Variants in CCDC186 observed in about 807,000 individuals in gnomAD.
CCDC186 encodes the protein coiled-coil domain containing 186, also known as coiled-coil domain-containing protein 186.
CCDC186 carries 49 observed loss-of-function variants against 113.7 expected under a neutral mutation model. The observed-to-expected ratio is 0.43, with a 90% CI of 0.34 to 0.55. The LOEUF is 0.55. CCDC186 is among the 20% of genes least tolerant of loss of function. The probability of loss-of-function intolerance (pLI) is 0.02; values close to 1 mark genes in which losing one functional copy is unlikely to be tolerated. For synonymous variants in CCDC186, 355 were observed against 345.8 expected (o/e 1.03, Z -0.30); for missense variants, 890 against 1,011.1 (o/e 0.88, Z 1.62).
chr10:114,156,703 G>C (rs571965487), intron 3 of CCDC186, among the ~76,000 whole-genome samples: 33 of 151,990 alleles, frequency 2.2e-4, no homozygotes, highest in Non-Finnish European at 2.9e-5. Context: ...TTCCACCCTG[G>C]GTGACAAGAG....
intron 6 of CCDC186, among the ~76,000 whole-genome samples, chr10:114,140,101 C>T (rs890710262): frequency 6.6e-6 from 1 of 152,186 alleles, no homozygotes; most frequent in Non-Finnish European, 1.5e-5. Flanking sequence ...CATAATCTCA[C>T]CTTCATGAAG....
chr10:114,151,321 A>G, intron 3 of CCDC186, 101 bp from the exon 4 acceptor site: 2 of 885,490 alleles, frequency 2.3e-6, no homozygotes, highest in Non-Finnish European at 3.3e-6. Context: ...TAAAGAATAC[A>G]ATGAATATAC....
chr10:114,125,092 G>T lies in CCDC186; in HGVS notation c.*51C>A. On this transcript the variant is annotated 3_prime_UTR_variant, in exon 16 of 16. Coordinates refer to ENST00000369287, the MANE Select transcript of CCDC186 (RefSeq NM_018017.4). ...AAAGTCTCCAACAATAGAGGTCAGT[G>T]GCACCTACTCCTGTGTGGCTTTTGT... 1 of 1,324,818 alleles carries T rather than the reference G, an allele frequency of 7.5e-7. No homozygotes were observed. The highest frequency in any genetic ancestry group is 1.1e-6 in the Non-Finnish European group (1 of 946,366). 82.1% of individuals were successfully genotyped at this position (1,324,818 alleles called of 1,614,324 possible).
intron 10 of CCDC186, among the ~76,000 whole-genome samples, chr10:114,133,209 A>G (rs2031148114): frequency 6.6e-6 from 1 of 152,216 alleles, no homozygotes; most frequent in Non-Finnish European, 1.5e-5. Flanking sequence ...CAGGGAAGTA[A>G]AAAGTGAATG....
intron 15 of CCDC186, 48 bp from the exon 16 acceptor site, chr10:114,125,274 A>G (rs2030859583): frequency 7.3e-7 from 1 of 1,368,370 alleles, no homozygotes; most frequent in African/African-American, 1.5e-5. Context: ...ACAAAAGTAT[A>G]ATAAATAAAA....
rs1325219264 is a variant in CCDC186 at position 114,123,698 on chromosome 10, G to C, written c.*1445C>G. 6.6e-6 allele frequency: 1 copy of C among 152,156 alleles called. No homozygotes were observed. Among genetic ancestry groups the C allele is most frequent in the Non-Finnish European group, 1.5e-5 (1 of 68,030 alleles). 9.4% of individuals were successfully genotyped at this position (152,156 alleles called of 1,614,324 possible). A position where few individuals can be genotyped will look rare whatever the true frequency, so the allele number is the denominator to read the frequency against. On this transcript the variant is annotated 3_prime_UTR_variant, in exon 16 of 16. Transcript: ENST00000369287. ...TTGTAAGTGAGAAATAATAAGGGGTGAGAAAAAATTCAATGACAGAAATAT... is the reference window on the plus strand; with the variant it reads ...TTGTAAGTGAGAAATAATAAGGGGTCAGAAAAAATTCAATGACAGAAATAT...
intron 1 of CCDC186, among the ~76,000 whole-genome samples, chr10:114,170,462 A>G (rs1323996684): frequency 6.6e-6 from 1 of 152,112 alleles, no homozygotes; most frequent in Non-Finnish European, 1.5e-5. Context: ...CTGGGACTAC[A>G]GGTACATGCC....
chr10:114,149,838 A>C lies in CCDC186; in HGVS notation c.888+1254T>G, dbSNP rs35783381. 7.5e-3 allele frequency among the ~76,000 whole-genome samples: 798 copies of C among 106,828 alleles called. 11 individuals carry two copies. The highest frequency in any genetic ancestry group is 0.023 in the African/African-American group (523 of 23,178). The allele number at this position is 106,828 out of a possible 152,430, so 70.1% of individuals were successfully genotyped here. On this transcript the variant is annotated intron_variant, in intron 4 of 15. Coordinates refer to ENST00000369287, the MANE Select transcript of CCDC186 (RefSeq NM_018017.4). Reference sequence around the variant, plus strand: ...GAAGGCAGGAAGGCAGGAAGGCAGGAAGGCAGGCAGGCAGGCAGGAAGGCA... The same window carrying C: ...GAAGGCAGGAAGGCAGGAAGGCAGGCAGGCAGGCAGGCAGGCAGGAAGGCA...
chr10:114,144,072 A>G (rs934875764), intron 6 of CCDC186, among the ~76,000 whole-genome samples: 3 of 151,972 alleles, frequency 2.0e-5, no homozygotes, highest in Admixed American at 6.6e-5. Flanking sequence ...ATATTTTTTG[A>G]GTATAAAATC....
At chr10:114,140,101 C>G (rs890710262) in intron 6 of CCDC186, among the ~76,000 whole-genome samples, 1 of 152,186 alleles carries the variant, frequency 6.6e-6, no homozygotes, top group Non-Finnish European at 1.5e-5. Flanking sequence ...CATAATCTCA[C>G]CTTCATGAAG....
In CCDC186 at chr10:114,145,757, T is replaced by A. The variant is rs931006245; in HGVS notation, c.893A>T (p.Asn298Ile). 4 of 1,575,408 alleles carry A rather than the reference T, an allele frequency of 2.5e-6. No individual in the cohort carries two copies. Among genetic ancestry groups the A allele is most frequent in the Non-Finnish European group, 3.4e-6 (4 of 1,169,704 alleles). Residue 298 changes from asparagine to isoleucine, a missense_variant, in exon 5 of 16, where the codon AAC becomes ATC. Physicochemically the swap from Asn to Ile is moderately radical, Grantham distance 149. Transcript: ENST00000369287. Reference sequence around the variant, plus strand: ...TTGGCGTGCCTCTTCACATTTCTTGTTGGCCTTCAAAAAAAATATTACTTA... The same window carrying A: ...TTGGCGTGCCTCTTCACATTTCTTGATGGCCTTCAAAAAAAATATTACTTA... ...KEMAQRMEQA[N>I]KKCEEARQEK...
intron 1 of CCDC186, among the ~76,000 whole-genome samples, chr10:114,167,038 T>TA (rs1310878086): frequency 7.0e-6 from 1 of 143,094 alleles, no homozygotes; most frequent in Non-Finnish European, 1.5e-5. Context: ...TTTTTTTTTT[T>TA]AAAGATGGAG....
In CCDC186 at chr10:114,166,017, T is replaced by C. The variant is rs922263419; in HGVS notation, c.-61-2688A>G. On this transcript the variant is annotated intron_variant, in intron 1 of 15. Coordinates refer to ENST00000369287, the MANE Select transcript of CCDC186 (RefSeq NM_018017.4). ...TGTCTTAATTTCTGGAATAAGTTTT[T>C]TGTAGTAACCAAAAGTGGCGGCAAA... 5.0e-5 allele frequency: 41 copies of C among 826,588 alleles called. No individual in the cohort carries two copies. In the African/African-American group the frequency reaches 7.6e-4, roughly 15 times the overall value. The allele number at this position is 826,588 out of a possible 1,614,324, so 51.2% of individuals were successfully genotyped here.
At chr10:114,169,805 A>C (rs1392455254) in intron 1 of CCDC186, among the ~76,000 whole-genome samples, 10 of 152,350 alleles carry the variant, frequency 6.6e-5, no homozygotes, top group South Asian at 2.1e-4. Flanking sequence ...GCATCCACAC[A>C]GTTCAATGTA....
chr10:114,153,940 T>C (rs113644994), intron 3 of CCDC186, among the ~76,000 whole-genome samples: 8,845 of 151,264 alleles, frequency 0.058, 295 homozygotes, highest in Middle Eastern at 0.08. Context: ...CCAGGTGAAG[T>C]GGCTCATGCC....
At position 114,124,861 on chromosome 10, in the gene CCDC186, A is replaced by G. The variant is rs1318351656; in HGVS notation, c.*282T>C. 2.0e-5 allele frequency: 6 copies of G among 297,716 alleles called. No homozygotes were observed. The highest frequency in any genetic ancestry group is 1.3e-4 in the African/African-American group (6 of 46,380). The allele number at this position is 297,716 out of a possible 1,614,324, so 18.4% of individuals were successfully genotyped here. ...AGGGTTTTTTATAAAAGCCCTTGTA[A>G]TGTTCAACACTTCTTATGAATACAA... On this transcript the variant is annotated 3_prime_UTR_variant, in exon 16 of 16. Coordinates refer to ENST00000369287, the MANE Select transcript of CCDC186 (RefSeq NM_018017.4).
intron 6 of CCDC186, among the ~76,000 whole-genome samples, chr10:114,143,597 A>T (rs1385224171): frequency 6.6e-6 from 1 of 152,132 alleles, no homozygotes; most frequent in Non-Finnish European, 1.5e-5. Flanking sequence ...AGGGAAACCC[A>T]CTATTCTCTA....
At chr10:114,154,066 C>A (rs1272628136) in intron 3 of CCDC186, among the ~76,000 whole-genome samples, 1 of 151,636 alleles carries the variant, frequency 6.6e-6, no homozygotes, top group Non-Finnish European at 1.5e-5. Flanking sequence ...CAAAAATTAG[C>A]TGGATGTGGT....
chr10:114,144,629 C>A lies in CCDC186; in HGVS notation c.1102-13G>T, dbSNP rs370810796. On this transcript the variant is annotated splice_polypyrimidine_tract_variant and intron_variant, in intron 5 of 15. Coordinates refer to ENST00000369287, the MANE Select transcript of CCDC186 (RefSeq NM_018017.4). Reference sequence around the variant, plus strand: ...TCGTTTCGCCTTCCTAAAATAATATCACTAGGTCATATATTTTCATTTATA... The same window carrying A: ...TCGTTTCGCCTTCCTAAAATAATATAACTAGGTCATATATTTTCATTTATA... 16 of 1,590,010 alleles carry A rather than the reference C, an allele frequency of 1.0e-5. No homozygotes were observed. The highest frequency in any genetic ancestry group is 1.8e-5 in the Admixed American group (1 of 56,746).
Sources: allele counts gnomAD v4.1 joint callset (sites outside exome capture counted in the v4.1 genomes callset), GRCh38; gene constraint gnomAD v4.1.1; transcripts MANE v1.5; gene names NCBI Gene and HGNC (gene_info 2026-07-23, HGNC 2026-07-21).